The following C3orf70 variants were observed in gnomAD, a reference collection of about 807,000 sequenced individuals.
C3orf70 encodes UPF0524 protein C3orf70.
A neutral mutation model predicts 20.7 loss-of-function variants in C3orf70; 15 were observed. The ratio of observed to expected loss-of-function variants is 0.72; its 90% CI spans 0.48 to 1.11. C3orf70 has a LOEUF of 1.11. Ranked by LOEUF, C3orf70 falls within the 50% of genes most tolerant of loss-of-function variation. The pLI is 0.00. For missense variants in C3orf70, 332 were observed against 317.6 expected (o/e 1.05, Z -0.34); for synonymous variants, 161 against 125.7 (o/e 1.28, Z -1.88).
At chr3:185,096,552 A>C (rs536955111) in intron 1 of C3orf70, among the ~76,000 whole-genome samples, 1 of 152,244 alleles carries the variant, frequency 6.6e-6, no homozygotes, top group South Asian at 2.1e-4. Flanking sequence ...GCCGTAATGG[A>C]CAGAATTGCT....
intron 1 of C3orf70, among the ~76,000 whole-genome samples, chr3:185,090,541 TC>T (rs1326471052): frequency 1.3e-5 from 2 of 152,138 alleles, no homozygotes; most frequent in Non-Finnish European, 2.9e-5. Context: ...GAAAGGTAAA[TC>T]TACTGAAAAA....
At chr3:185,151,179 G>C (rs980566385) in intron 1 of C3orf70, among the ~76,000 whole-genome samples, 1 of 152,216 alleles carries the variant, frequency 6.6e-6, no homozygotes, top group Non-Finnish European at 1.5e-5. Flanking sequence ...TAAGAGTCAA[G>C]GCTAATGAAG....
intron 1 of C3orf70, among the ~76,000 whole-genome samples, chr3:185,095,389 AG>A (rs1715680357): frequency 6.6e-6 from 1 of 152,232 alleles, no homozygotes; most frequent in Non-Finnish European, 1.5e-5. Context: ...ACAGCTGTAG[AG>A]TTCTACAGAT....
At chr3:185,091,986 A>C in intron 1 of C3orf70, among the ~76,000 whole-genome samples, 2 of 113,838 alleles carry the variant, frequency 1.8e-5, no homozygotes, top group Non-Finnish European at 3.4e-5. Context: ...TTTAGTAGAG[A>C]CAGGGTTTCA....
chr3:185,123,310 G>T (rs1716344635), intron 1 of C3orf70, among the ~76,000 whole-genome samples: 1 of 151,544 alleles, frequency 6.6e-6, no homozygotes, highest in Non-Finnish European at 1.5e-5. Context: ...ATTTGTGAAA[G>T]ATAAATTTCT....
intron 1 of C3orf70, among the ~76,000 whole-genome samples, chr3:185,128,069 G>T (rs543697091): frequency 2.2e-4 from 33 of 152,258 alleles, no homozygotes; most frequent in African/African-American, 7.2e-4. Context: ...ATCATCAAAT[G>T]GGCAACATTA....
chr3:185,135,721 C>T (rs1716610496), intron 1 of C3orf70, among the ~76,000 whole-genome samples: 1 of 151,168 alleles, frequency 6.6e-6, no homozygotes, highest in Non-Finnish European at 1.5e-5. Flanking sequence ...CTTGATCACA[C>T]AGTCTATGCA....
chr3:185,133,863 C>T (rs773475670), intron 1 of C3orf70, among the ~76,000 whole-genome samples: 3 of 152,038 alleles, frequency 2.0e-5, no homozygotes, highest in Non-Finnish European at 4.4e-5. Context: ...CTGAGGTGGG[C>T]AGATCACTTG....
intron 1 of C3orf70, among the ~76,000 whole-genome samples, chr3:185,099,070 G>A (rs557221943): frequency 2.5e-4 from 38 of 152,322 alleles, no homozygotes; most frequent in African/African-American, 7.7e-4. Flanking sequence ...GCAGTGGTAA[G>A]ATATAGCCAT....
intron 1 of C3orf70, among the ~76,000 whole-genome samples, chr3:185,112,026 C>T (rs902483560): frequency 6.6e-6 from 1 of 152,136 alleles, no homozygotes; most frequent in African/African-American, 2.4e-5. Flanking sequence ...CGTGGTGGCT[C>T]ATGCCTGTAA....
intron 1 of C3orf70, among the ~76,000 whole-genome samples, chr3:185,140,677 G>C (rs1022147669): frequency 1.3e-5 from 2 of 151,612 alleles, no homozygotes; most frequent in African/African-American, 4.8e-5. Context: ...AGGGCCAGGC[G>C]GTGGCTCACG....
At chr3:185,128,040 G>A (rs543969130) in intron 1 of C3orf70, among the ~76,000 whole-genome samples, 2 of 152,086 alleles carry the variant, frequency 1.3e-5, no homozygotes, top group East Asian at 1.9e-4. Context: ...AATTAAATAC[G>A]CAAGCAGCAA....
intron 1 of C3orf70, among the ~76,000 whole-genome samples, chr3:185,117,474 G>A (rs532765002): frequency 2.0e-5 from 3 of 151,470 alleles, no homozygotes; most frequent in Non-Finnish European, 2.9e-5. Flanking sequence ...GAGAGAGAGA[G>A]AGAGAAAAGC....
chr3:185,122,497 T>C (rs944420824), intron 1 of C3orf70, among the ~76,000 whole-genome samples: 7 of 152,186 alleles, frequency 4.6e-5, no homozygotes, highest in African/African-American at 7.2e-5. Context: ...CCGAGGATAG[T>C]TGCATCACGG....
At chr3:185,093,140 A>G (rs1715629931) in intron 1 of C3orf70, among the ~76,000 whole-genome samples, 1 of 152,148 alleles carries the variant, frequency 6.6e-6, no homozygotes, top group Non-Finnish European at 1.5e-5. Flanking sequence ...TATCATGCTG[A>G]TATCTGGATT....
At chr3:185,134,960 T>TA (rs1716593002) in intron 1 of C3orf70, among the ~76,000 whole-genome samples, 1 of 152,094 alleles carries the variant, frequency 6.6e-6, no homozygotes, top group South Asian at 2.1e-4. Context: ...TCTGGACTTC[T>TA]AGCTCCATCT....
intron 1 of C3orf70, among the ~76,000 whole-genome samples, chr3:185,145,448 TA>T (rs1716840157): frequency 7.5e-6 from 1 of 132,638 alleles, no homozygotes; most frequent in Non-Finnish European, 1.6e-5. Flanking sequence ...CCTCTTATTT[TA>T]ATTTTATTTC....
At chr3:185,102,442 T>C (rs893100177) in intron 1 of C3orf70, among the ~76,000 whole-genome samples, 3 of 152,190 alleles carry the variant, frequency 2.0e-5, no homozygotes, top group Non-Finnish European at 4.4e-5. Context: ...ATTCCATGCT[T>C]GTTATTAGAA....
At position 185,114,756 on chromosome 3, in the gene C3orf70, A is replaced by AG. The variant is rs562198583; in HGVS notation, c.197-31194_197-31193insC. ...TTCTTTAATTTTAAAAAAGAAGGAA[A>AG]ATGAGGCCGAATGACTTAATAAGCT... On this transcript the variant is annotated intron_variant, in intron 1 of 1. Coordinates refer to ENST00000335012, the MANE Select transcript of C3orf70 (RefSeq NM_001025266.3). Among the ~76,000 whole-genome samples, 55 of 152,360 alleles carry AG rather than the reference A, an allele frequency of 3.6e-4. 2 individuals are homozygous for AG. The South Asian group carries it at 0.011, about 32-fold the overall frequency.
Sources: gnomAD v4.1 joint callset for allele counts (sites outside exome capture counted in the v4.1 genomes callset) on GRCh38, gnomAD v4.1.1 for gene constraint, MANE v1.5 for transcripts, NCBI Gene and HGNC (gene_info 2026-07-23, HGNC 2026-07-21) for gene names.